The following NPIPB4 variants were observed in gnomAD, a reference collection of about 807,000 sequenced individuals.
NPIPB4 encodes the protein nuclear pore complex interacting protein family member B4, also known as nuclear pore complex-interacting protein family member B4.
For missense variants in NPIPB4, 105 were observed against 513.7 expected (o/e 0.20, Z 7.69); for synonymous variants, 31 against 194.1 (o/e 0.16, Z 6.99).
At chr16:21,851,240 G>A (rs1246722807) in intron 2 of NPIPB4, 14 of 194,348 alleles carry the variant, frequency 7.2e-5, no homozygotes, top group African/African-American at 2.2e-4. Flanking sequence ...GACGGGGACC[G>A]GGGCCGGATC....
In NPIPB4 at chr16:21,837,348, G is replaced by A. The variant is rs1059208; in HGVS notation, c.1039C>T (p.Leu347Phe). Reference sequence around the variant, plus strand: ...AGAGCTGAGGGTGGAAGGGGAGTGAGCAGACACTCGGGAGGTGTCTTGAGT... The same window carrying A: ...AGAGCTGAGGGTGGAAGGGGAGTGAACAGACACTCGGGAGGTGTCTTGAGT... The part of the protein sequence containing the change: ...DKLKTPPECL[L>F]TPLPPSALPS... The change falls in exon 8 of 8, where the codon CTC (leucine) becomes TTC (phenylalanine). Residue 347 changes from leucine (L) to phenylalanine (F), a missense_variant. Transcript: ENST00000682606. 1 of 1,335,690 alleles carries A rather than the reference G, an allele frequency of 7.5e-7. No homozygotes were observed. The highest frequency in any genetic ancestry group is 2.2e-5 in the Admixed American group (1 of 44,976). The allele number at this position is 1,335,690 out of a possible 1,614,324, so 82.7% of individuals were successfully genotyped here.
At chr16:21,850,545 C>T (rs1330368679) in intron 2 of NPIPB4, among the ~76,000 whole-genome samples, 20 of 150,180 alleles carry the variant, frequency 1.3e-4, no homozygotes, top group Non-Finnish European at 1.5e-4. Flanking sequence ...ATTAGCCAGG[C>T]GTTGTAATCT....
intron 7 of NPIPB4, 64 bp from the exon 8 acceptor site, chr16:21,837,808 C>G: frequency 1.4e-6 from 1 of 739,116 alleles, no homozygotes; most frequent in Non-Finnish European, 1.9e-6. Context: ...TTACCGCCAC[C>G]AACACAGTCT....
chr16:21,850,594 C>T (rs1188474888), intron 2 of NPIPB4, among the ~76,000 whole-genome samples: 1 of 140,908 alleles, frequency 7.1e-6, no homozygotes, highest in African/African-American at 2.8e-5. Flanking sequence ...ATTGCTTGAA[C>T]CCCAGAAGCG....
At chr16:21,845,850 C>CAGGAAA in intron 3 of NPIPB4, among the ~76,000 whole-genome samples, 1 of 115,258 alleles carries the variant, frequency 8.7e-6, no homozygotes, top group African/African-American at 3.4e-5. Context: ...ACTGAACTTT[C>CAGGAAA]CTAAGTGGAA....
intron 5 of NPIPB4, among the ~76,000 whole-genome samples, chr16:21,841,843 A>C (rs1901815319): frequency 6.7e-6 from 1 of 149,262 alleles, no homozygotes; most frequent in Non-Finnish European, 1.5e-5. Flanking sequence ...CAGCTTTTGC[A>C]CACATGCGTG....
intron 2 of NPIPB4, among the ~76,000 whole-genome samples, chr16:21,850,071 G>GA (rs1450210285): frequency 1.2e-4 from 11 of 88,874 alleles, no homozygotes; most frequent in Admixed American, 8.9e-4. Flanking sequence ...AAACCAGCCT[G>GA]ACCAACATGG....
rs1567439314 is a variant in NPIPB4 at position 21,837,274 on chromosome 16, C to G, written c.1113G>C (p.Glu371Asp). The G allele has an allele frequency of 1.7e-6, 2 of 1,198,584 alleles. No individual in the cohort carries two copies. The highest frequency in any genetic ancestry group is 2.1e-6 in the Non-Finnish European group (2 of 940,468). 74.2% of individuals were successfully genotyped at this position (1,198,584 alleles called of 1,614,324 possible). A position where few individuals can be genotyped will look rare whatever the true frequency, so the allele number is the denominator to read the frequency against. ...SADDNLKTRAECLLHPLPPSA... is the reference protein window; with the variant it reads ...SADDNLKTRADCLLHPLPPSA... ...AGGGTGGAAGGGGATGGAGCAGACA[C>G]TCGGCACGTGTCTTGAGATTATCAT... is the stretch of plus-strand genomic sequence containing the variant. The change falls in exon 8 of 8, where the codon GAG becomes GAC. Residue 371 changes from glutamate to aspartate, a missense_variant. Physicochemically the swap from Glu to Asp is conservative, Grantham distance 45. Coordinates refer to ENST00000682606, the MANE Select transcript of NPIPB4 (RefSeq NM_001384980.1).
chr16:21,841,917 C>T (rs1901825234), intron 5 of NPIPB4, among the ~76,000 whole-genome samples: 1 of 151,638 alleles, frequency 6.6e-6, no homozygotes, highest in Non-Finnish European at 1.5e-5. Flanking sequence ...CTGAAGTCCG[C>T]TGGCTCTGGT....
At chr16:21,850,731 C>G (rs1352284765) in intron 2 of NPIPB4, among the ~76,000 whole-genome samples, 1 of 102,572 alleles carries the variant, frequency 9.7e-6, no homozygotes, top group African/African-American at 4.3e-5. Context: ...AATGACATTT[C>G]ACTTTGTTTT....
At position 21,837,375 on chromosome 16, in the gene NPIPB4, T is replaced by C. The variant is rs1217892902; in HGVS notation, c.1012A>G (p.Lys338Glu). The change falls in exon 8 of 8, where the codon AAA (lysine) becomes GAA (glutamate). Residue 338 changes from lysine (K) to glutamate (E), a missense_variant. By Grantham distance (56) the Lys-to-Glu change is moderately conservative (BLOSUM62 1). Coordinates refer to ENST00000682606, the MANE Select transcript of NPIPB4 (RefSeq NM_001384980.1). ...AGACACTCGGGAGGTGTCTTGAGTTTATCATCCGCTGAGGGTGGAAGGGGA... is the reference window on the plus strand; with the variant it reads ...AGACACTCGGGAGGTGTCTTGAGTTCATCATCCGCTGAGGGTGGAAGGGGA... ...LTPLPPSADDKLKTPPECLLT... is the reference protein window; with the variant it reads ...LTPLPPSADDELKTPPECLLT... 6.7e-6 allele frequency: 9 copies of C among 1,347,916 alleles called. 3 individuals carry two copies. Among genetic ancestry groups the C allele is most frequent in the South Asian group, 6.2e-5 (4 of 64,074 alleles). The allele number at this position is 1,347,916 out of a possible 1,614,324, so 83.5% of individuals were successfully genotyped here.
At chr16:21,840,458 C>G (rs1901668575) in intron 5 of NPIPB4, among the ~76,000 whole-genome samples, 1 of 147,366 alleles carries the variant, frequency 6.8e-6, no homozygotes, top group Non-Finnish European at 1.5e-5. Flanking sequence ...AATGCACACA[C>G]ATGATCCACC....
intron 2 of NPIPB4, among the ~76,000 whole-genome samples, chr16:21,850,682 A>G (rs1335339983): frequency 8.4e-6 from 1 of 119,354 alleles, no homozygotes; most frequent in Non-Finnish European, 1.7e-5. Flanking sequence ...AAAAAAAAAA[A>G]AAAAAAAAAA....
intron 2 of NPIPB4, among the ~76,000 whole-genome samples, chr16:21,850,620 C>T (rs1230741415): frequency 4.2e-5 from 4 of 94,928 alleles, no homozygotes; most frequent in South Asian, 3.5e-4. Context: ...TGCAGTGAGC[C>T]GAGATCTTGC....
chr16:21,850,462 A>G (rs1367471103), intron 2 of NPIPB4, among the ~76,000 whole-genome samples: 5 of 152,146 alleles, frequency 3.3e-5, no homozygotes, highest in African/African-American at 1.2e-4. Context: ...TATCCTGGCG[A>G]ACATGGTGAA....
intron 2 of NPIPB4, chr16:21,851,295 GGGGAA>G (rs1902503742): frequency 5.3e-6 from 1 of 187,650 alleles, no homozygotes; most frequent in African/African-American, 4.7e-5. Context: ...GGGAGGGGGA[GGGGAA>G]GGGGAGGGGA....
intron 2 of NPIPB4, chr16:21,851,289 G>T: frequency 4.9e-6 from 1 of 204,702 alleles, no homozygotes; most frequent in South Asian, 4.9e-5. Flanking sequence ...GGGGAGGGGA[G>T]GGGGAGGGGA....
chr16:21,847,327 TG>T, intron 3 of NPIPB4, 85 bp downstream of exon 3: 1 of 905,840 alleles, frequency 1.1e-6, no homozygotes. Flanking sequence ...ATATTCATAA[TG>T]AAGTCCAGAA....
intron 5 of NPIPB4, among the ~76,000 whole-genome samples, chr16:21,842,031 G>A (rs993072805): frequency 4.0e-5 from 6 of 151,378 alleles, no homozygotes; most frequent in Admixed American, 6.6e-5. Context: ...AGCTTGTATG[G>A]AGGACCCCTG....
Sources: allele counts gnomAD v4.1 joint callset (sites outside exome capture counted in the v4.1 genomes callset), GRCh38; gene constraint gnomAD v4.1.1; transcripts MANE v1.5; gene names NCBI Gene and HGNC (gene_info 2026-07-23, HGNC 2026-07-21).